WDPCP: variants seen among roughly 807,000 people sequenced by gnomAD.
WDPCP encodes the protein WD repeat containing planar cell polarity effector, also known as WD repeat-containing and planar cell polarity effector protein fritz homolog.
WDPCP carries 71 observed loss-of-function variants against 93.1 expected under a neutral mutation model. The observed-to-expected ratio is 0.76, with a 90% CI of 0.63 to 0.93. The LOEUF (loss-of-function observed/expected upper bound fraction) is 0.93, where lower values mean the gene tolerates loss of function less well. WDPCP is among the 40% of genes least tolerant of loss of function. The probability of loss-of-function intolerance (pLI) is 0.00; values close to 1 mark genes in which losing one functional copy is unlikely to be tolerated. For synonymous variants in WDPCP, 315 were observed against 315.0 expected (o/e 1.00, Z 0.00); for missense variants, 844 against 887.4 (o/e 0.95, Z 0.62).
chr2:63,542,137 G>A (rs151110535), intron 1 of WDPCP, among the ~76,000 whole-genome samples: 7 of 152,094 alleles, frequency 4.6e-5, no homozygotes, highest in Non-Finnish European at 7.4e-5. Flanking sequence ...TTAACAGAGC[G>A]TGTCAAATGT....
intron 17 of WDPCP, among the ~76,000 whole-genome samples, chr2:63,142,499 G>A (rs533349659): frequency 3.3e-5 from 5 of 152,240 alleles, no homozygotes; most frequent in African/African-American, 7.2e-5. Context: ...ATCTGAGAGC[G>A]TGCTTGATAT....
At chr2:63,667,671 T>G (rs1710299209) in intron 2 of WDPCP, among the ~76,000 whole-genome samples, 1 of 152,194 alleles carries the variant, frequency 6.6e-6, no homozygotes, top group African/African-American at 2.4e-5. Flanking sequence ...GGGTCTCTTT[T>G]GCAGGGTAGG....
At chr2:63,266,431 C>A (rs1014871320) in intron 13 of WDPCP, among the ~76,000 whole-genome samples, 2 of 151,980 alleles carry the variant, frequency 1.3e-5, no homozygotes, top group African/African-American at 2.4e-5. Context: ...TACATAGGAG[C>A]AAATTTAACC....
rs541336991 is a variant in WDPCP at position 63,172,505 on chromosome 2, C to G, written c.2078+2165G>C. Among the ~76,000 whole-genome samples the G allele has an allele frequency of 1.1e-4, 16 of 151,948 alleles. 1 individual carries two copies. The highest frequency in any genetic ancestry group is 3.6e-4 in the African/African-American group (15 of 41,448). The stretch of plus-strand genomic sequence containing the variant: ...CTTGGGTGACAGACTGAGATGCCGC[C>G]CCCCACCCCTCCAAAAAATAATAAT... On this transcript the variant is annotated intron_variant, in intron 15 of 17. Transcript: ENST00000272321.
intron 2 of WDPCP, among the ~76,000 whole-genome samples, chr2:63,701,910 A>G (rs555646590): frequency 5.4e-4 from 82 of 152,368 alleles, no homozygotes; most frequent in Non-Finnish European, 7.1e-4. Flanking sequence ...AGTTCGATAG[A>G]AGAAATAAAA....
At chr2:63,180,225 T>C (rs1333778518) in intron 14 of WDPCP, among the ~76,000 whole-genome samples, 1 of 152,164 alleles carries the variant, frequency 6.6e-6, no homozygotes, top group Non-Finnish European at 1.5e-5. Context: ...ATTTAAGGGG[T>C]ACAAGTGCAG....
At chr2:63,752,989 C>T (rs368130164) in intron 2 of WDPCP, among the ~76,000 whole-genome samples, 119 of 152,188 alleles carry the variant, frequency 7.8e-4, no homozygotes, top group South Asian at 1.7e-3. Flanking sequence ...CCCCCGCACC[C>T]GGCCAACTTT....
intron 3 of WDPCP, chr2:63,594,250 G>C (rs1033792106): frequency 3.3e-6 from 2 of 601,888 alleles, no homozygotes; most frequent in Non-Finnish European, 6.4e-6. Flanking sequence ...CCCAAAAAAG[G>C]TGGATAAGAT....
intron 1 of WDPCP, among the ~76,000 whole-genome samples, chr2:63,561,875 T>C (rs1706655155): frequency 6.6e-6 from 1 of 152,178 alleles, no homozygotes; most frequent in African/African-American, 2.4e-5. Flanking sequence ...AAACAACAGA[T>C]GCTGGCGGGG....
chr2:63,586,524 A>G (rs892591187), intron 1 of WDPCP, among the ~76,000 whole-genome samples: 1 of 152,246 alleles, frequency 6.6e-6, no homozygotes, highest in African/African-American at 2.4e-5. Context: ...AAGGAAGAGA[A>G]CACAGACAAT....
intron 17 of WDPCP, among the ~76,000 whole-genome samples, chr2:63,142,075 C>T (rs1264366897): frequency 6.6e-6 from 1 of 152,070 alleles, no homozygotes; most frequent in Non-Finnish European, 1.5e-5. Context: ...TTTATCTTTT[C>T]AAAGAACCAG....
At chr2:63,506,682 A>G (rs1018793425) in intron 1 of WDPCP, among the ~76,000 whole-genome samples, 1 of 152,082 alleles carries the variant, frequency 6.6e-6, no homozygotes, top group African/African-American at 2.4e-5. Context: ...ACTGAAAACA[A>G]GAGAACTGTT....
intron 9 of WDPCP, among the ~76,000 whole-genome samples, chr2:63,424,779 G>A (rs1034314287): frequency 6.6e-6 from 1 of 152,176 alleles, no homozygotes; most frequent in African/African-American, 2.4e-5. Flanking sequence ...GGTTATCTGG[G>A]AAGGGTATAG....
chr2:63,292,885 C>A (rs1327504071), intron 13 of WDPCP, among the ~76,000 whole-genome samples: 1 of 152,184 alleles, frequency 6.6e-6, no homozygotes, highest in African/African-American at 2.4e-5. Context: ...AGTTAATTTT[C>A]AATTTCAGCT....
At chr2:63,454,401 T>A (rs754871476) in intron 6 of WDPCP, among the ~76,000 whole-genome samples, 1 of 151,886 alleles carries the variant, frequency 6.6e-6, no homozygotes, top group South Asian at 2.1e-4. Flanking sequence ...ATACCTAATA[T>A]ACATGATGAG....
intron 2 of WDPCP, among the ~76,000 whole-genome samples, chr2:63,782,534 T>C (rs773023329): frequency 2.6e-5 from 4 of 152,026 alleles, no homozygotes; most frequent in Non-Finnish European, 5.9e-5. Context: ...AGAGAAGACA[T>C]CCAAATGGCC....
chr2:63,540,695 T>C (rs938426615), intron 1 of WDPCP, among the ~76,000 whole-genome samples: 1 of 152,196 alleles, frequency 6.6e-6, no homozygotes, highest in Non-Finnish European at 1.5e-5. Context: ...ATTAAAACGA[T>C]TAAATTCTAT....
chr2:63,720,126 T>C (rs1669393205), intron 2 of WDPCP, among the ~76,000 whole-genome samples: 1 of 152,090 alleles, frequency 6.6e-6, no homozygotes, highest in African/African-American at 2.4e-5. Context: ...GTTTAAAAAT[T>C]GCTAAATAGG....
chr2:63,221,852 T>G (rs1424723149), intron 14 of WDPCP, among the ~76,000 whole-genome samples: 2 of 152,188 alleles, frequency 1.3e-5, no homozygotes, highest in African/African-American at 4.8e-5. Flanking sequence ...AAGCAAAACC[T>G]TGTATTTTTT....
Sources: gnomAD v4.1 joint callset for allele counts (sites outside exome capture counted in the v4.1 genomes callset) on GRCh38, gnomAD v4.1.1 for gene constraint, MANE v1.5 for transcripts, NCBI Gene and HGNC (gene_info 2026-07-23, HGNC 2026-07-21) for gene names.